PITPNM3: variants seen among roughly 807,000 people sequenced by gnomAD.
PITPNM3 encodes PITPNM family member 3, also known as membrane-associated phosphatidylinositol transfer protein 3.
In PITPNM3, 26 loss-of-function variants were observed where a neutral mutation model predicts 102.0. That is an observed-to-expected ratio of 0.25 (90% CI 0.19 to 0.35). The LOEUF (loss-of-function observed/expected upper bound fraction) is 0.35. Ranked by LOEUF, PITPNM3 falls within the 10% of genes least tolerant of loss-of-function variation. The probability of loss-of-function intolerance (pLI) is 1.00; values close to 1 mark genes in which losing one functional copy is unlikely to be tolerated. For synonymous variants in PITPNM3, 578 were observed against 558.6 expected (o/e 1.03, Z -0.49); for missense variants, 1,083 against 1,346.1 (o/e 0.80, Z 3.06).
At position 6,478,221 on chromosome 17, in the gene PITPNM3, G is replaced by A. The variant is rs1029902818; in HGVS notation, c.778-124C>T. The A allele has an allele frequency of 2.0e-6, 3 of 1,491,990 alleles. No homozygotes were observed. The highest frequency in any genetic ancestry group is 1.8e-5 in the Admixed American group (1 of 54,054). 92.4% of individuals were successfully genotyped at this position (1,491,990 alleles called of 1,614,324 possible). A position where few individuals can be genotyped will look rare whatever the true frequency, so the allele number is the denominator to read the frequency against. ...AACTCGTCCTTGGGAGGTGTTGAGA[G>A]AGCCCAACTGGGAAGCAGTGTGCAA... On this transcript the variant is annotated intron_variant, in intron 7 of 19. Transcript: ENST00000262483. This position sits in a 1 kb window ranked among gnomAD's most constrained non-coding sequence, Gnocchi z 4.4.
chr17:6,496,739 C>CA (rs1268559162), intron 4 of PITPNM3, among the ~76,000 whole-genome samples: 1 of 152,130 alleles, frequency 6.6e-6, no homozygotes, highest in Non-Finnish European at 1.5e-5. Flanking sequence ...ATTTTTTAAA[C>CA]AGATGGGTGA....
Position 6,455,373 on chromosome 17 carries a change from C to G in PITPNM3, c.2890G>C (p.Ala964Pro), listed in dbSNP as rs1392170604. ...GACTCGAACTTGGGGGGCCCACGCG[C>G]CCAGCTGAGCGCCGGCAGCGGCCGC... ...HERPLPALSW[A>P]RGPPKFESVP Residue 964 changes from alanine to proline, a missense_variant, in exon 20 of 20, where the codon GCG (alanine) becomes CCG (proline). Around this residue, in one of 5 missense-constraint regions of PITPNM3, gnomAD observed 208 missense variants for 178.2 expected, o/e 1.17. Coordinates refer to ENST00000262483, the MANE Select transcript of PITPNM3 (RefSeq NM_031220.4). 1 of 1,588,088 alleles carries G rather than the reference C, an allele frequency of 6.3e-7. No individual in the cohort carries two copies. The highest frequency in any genetic ancestry group is 8.6e-7 in the Non-Finnish European group (1 of 1,168,842).
At chr17:6,500,464 G>A (rs559557509) in intron 4 of PITPNM3, among the ~76,000 whole-genome samples, 17 of 152,208 alleles carry the variant, frequency 1.1e-4, no homozygotes, top group South Asian at 1.0e-3. Flanking sequence ...TGCCAAAACT[G>A]GGCAGGACAT....
intron 4 of PITPNM3, among the ~76,000 whole-genome samples, chr17:6,502,393 T>C (rs1597388160): frequency 6.6e-6 from 1 of 151,152 alleles, no homozygotes; most frequent in Admixed American, 6.6e-5. Context: ...GCTCAAGAGG[T>C]TGTAGTGAGC....
intron 3 of PITPNM3, among the ~76,000 whole-genome samples, chr17:6,509,034 T>C (rs1051019195): frequency 1.3e-5 from 2 of 152,072 alleles, no homozygotes; most frequent in African/African-American, 2.4e-5. Context: ...CTGGAGCTTG[T>C]TTCAAGTGGA....
intron 2 of PITPNM3, among the ~76,000 whole-genome samples, chr17:6,530,062 A>AG (rs1230907049): frequency 6.6e-6 from 1 of 152,238 alleles, no homozygotes; most frequent in African/African-American, 2.4e-5. Flanking sequence ...TCCAGGAGAC[A>AG]AACAGTTCTA....
intron 6 of PITPNM3, chr17:6,479,557 C>T (rs1365053553): frequency 6.6e-6 from 1 of 152,310 alleles, no homozygotes; most frequent in Non-Finnish European, 1.5e-5. Flanking sequence ...CAGGAAGGAC[C>T]ATACAGGGAG....
intron 1 of PITPNM3, among the ~76,000 whole-genome samples, chr17:6,549,440 G>T (rs899779294): frequency 1.3e-5 from 2 of 152,230 alleles, no homozygotes; most frequent in Admixed American, 6.5e-5. Context: ...GAGGAAGCAG[G>T]TTGGCTGTGT....
chr17:6,477,077 G>C lies in PITPNM3; in HGVS notation c.1037C>G (p.Ser346Cys). 1 of 1,614,186 alleles carries C rather than the reference G, an allele frequency of 6.2e-7. No individual in the cohort carries two copies. The highest frequency in any genetic ancestry group is 2.2e-5 in the East Asian group (1 of 44,874). The change falls in exon 9 of 20, where the codon TCC becomes TGC. Residue 346 changes from serine (S) to cysteine (C), a missense_variant. Around this residue, in one of 5 missense-constraint regions of PITPNM3, gnomAD observed 172 missense variants for 175.6 expected, o/e 0.98. Transcript: ENST00000262483. ...RPLPRKQSDS[S>C]TYDCEAITQH... ...GGTGATGGCCTCGCAGTCATAGGTG[G>C]AGGAGTCGCTCTGTTTCCGCGGCAA...
At position 6,459,613 on chromosome 17, in the gene PITPNM3, TC is replaced by T. The variant is rs1414155756; in HGVS notation, c.2490+1759del. Among the ~76,000 whole-genome samples the T allele has an allele frequency of 1.3e-5, 2 of 152,120 alleles. No homozygotes were observed. The highest frequency in any genetic ancestry group is 4.8e-5 in the African/African-American group (2 of 41,424). On this transcript the variant is annotated intron_variant, in intron 18 of 19. Transcript: ENST00000262483. The surrounding 1 kb of genome is among the most constrained non-coding windows in gnomAD (Gnocchi z 5.0). The stretch of plus-strand genomic sequence containing the variant: ...CCTCCAGCCTGGTCCTCCTCTCATG[TC>T]CCCTCTCATTCACTCACTCATTCAT...
In PITPNM3 at chr17:6,515,729, A is replaced by AG. The variant is rs1908127828; in HGVS notation, c.226+9626_226+9627insC. 1.3e-5 allele frequency among the ~76,000 whole-genome samples: 2 copies of AG among 151,714 alleles called. 1 individual carries two copies. The highest frequency in any genetic ancestry group is 2.9e-5 in the Non-Finnish European group (2 of 67,986). ...AGTTATTCCCACCCATATCTAACCT[A>AG]CAGAAAACTCTGAAATGTTCTAAAA... On this transcript the variant is annotated intron_variant, in intron 3 of 19. Coordinates refer to ENST00000262483, the MANE Select transcript of PITPNM3 (RefSeq NM_031220.4).
At chr17:6,522,142 G>T (rs1459340417) in intron 3 of PITPNM3, among the ~76,000 whole-genome samples, 39 of 152,260 alleles carry the variant, frequency 2.6e-4, no homozygotes, top group African/African-American at 8.9e-4. Context: ...GGCCCAGCAG[G>T]AAACAAGGCC....
intron 14 of PITPNM3, among the ~76,000 whole-genome samples, chr17:6,467,987 G>A (rs1904869106): frequency 6.6e-6 from 1 of 152,172 alleles, no homozygotes; most frequent in South Asian, 2.1e-4. Context: ...ACCAACCCTA[G>A]TGTCTTGGAC....
chr17:6,466,525 A>T (rs533520028), intron 14 of PITPNM3, among the ~76,000 whole-genome samples: 1 of 152,284 alleles, frequency 6.6e-6, no homozygotes, highest in South Asian at 2.1e-4. Context: ...AGAGAAATGC[A>T]ATCAAAACCA....
rs190701779 is a variant in PITPNM3, at chr17:6,469,704, A to T, written c.1773+556T>A. ...ATGGTTCCTCTCCTGCCGTGAAAACAGCAGCCTCAGCCTCAGGGTTTCCTT... is the reference window on the plus strand; with the variant it reads ...ATGGTTCCTCTCCTGCCGTGAAAACTGCAGCCTCAGCCTCAGGGTTTCCTT... On this transcript the variant is annotated intron_variant, in intron 13 of 19. Coordinates refer to ENST00000262483, the MANE Select transcript of PITPNM3 (RefSeq NM_031220.4). This position sits in a 1 kb window ranked among gnomAD's most constrained non-coding sequence, Gnocchi z 4.0. Among the ~76,000 whole-genome samples, 17,905 of 152,136 alleles carry T rather than the reference A, an allele frequency of 0.12. 1,489 individuals carry two copies. Among genetic ancestry groups the T allele is most frequent in the African/African-American group, 0.24 (9,935 of 41,448 alleles).
Position 6,483,549 on chromosome 17 carries a change from G to A in PITPNM3, c.555C>T (p.Ala185=). The A allele has an allele frequency of 6.2e-7, 1 of 1,614,038 alleles. No homozygotes were observed. Among genetic ancestry groups the A allele is most frequent in the Non-Finnish European group, 8.5e-7 (1 of 1,179,992 alleles). Residue 185 remains alanine (A), a synonymous_variant, in exon 6 of 20, where the codon GCC becomes GCT. Coordinates refer to ENST00000262483, the MANE Select transcript of PITPNM3 (RefSeq NM_031220.4). ...HILIKFVPCP[A]ICSEAFSLVS... ...CAAGCGAGAAAGCCTCAGAGCAGAT[G>A]GCAGGACAGGGGACGAACTTGATGA...
chr17:6,486,537 G>A (rs904784739), intron 4 of PITPNM3, among the ~76,000 whole-genome samples: 1 of 152,188 alleles, frequency 6.6e-6, no homozygotes, highest in Non-Finnish European at 1.5e-5. Context: ...CACAATCCCA[G>A]TCAAAGGGTA....
At chr17:6,460,941 A>G (rs1904414219) in intron 18 of PITPNM3, 1 of 284,128 alleles carries the variant, frequency 3.5e-6, no homozygotes, top group South Asian at 3.7e-5. Context: ...GCTAGTGGGA[A>G]CCATAGCTTC....
At chr17:6,471,640 A>G (rs1336635557) in intron 11 of PITPNM3, among the ~76,000 whole-genome samples, 1 of 152,190 alleles carries the variant, frequency 6.6e-6, no homozygotes, top group African/African-American at 2.4e-5. Flanking sequence ...CCTACCTCCA[A>G]TAAAGCTGCA....
Sources: gnomAD v4.1 joint callset for allele counts (sites outside exome capture counted in the v4.1 genomes callset) on GRCh38, gnomAD v4.1.1 for gene constraint, gnomAD v4.1.1 regional missense constraint, Gnocchi (gnomAD v3.1) non-coding constraint, MANE v1.5 for transcripts, NCBI Gene and HGNC (gene_info 2026-07-23, HGNC 2026-07-21) for gene names.